Variants in TMCC2 observed in about 807,000 individuals in gnomAD.
TMCC2 encodes transmembrane and coiled-coil domains protein 2.
TMCC2 carries 16 observed loss-of-function variants against 49.4 expected under a neutral mutation model. The observed-to-expected ratio is 0.32, with a 90% CI of 0.22 to 0.49. TMCC2 has a LOEUF of 0.49. TMCC2 is among the 20% of genes least tolerant of loss of function. TMCC2 has a pLI of 0.99. For synonymous variants in TMCC2, 397 were observed against 434.1 expected (o/e 0.91, Z 1.06); for missense variants, 762 against 989.8 (o/e 0.77, Z 3.09).
intron 3 of TMCC2, among the ~76,000 whole-genome samples, chr1:205,270,274 C>T (rs1275418045): frequency 6.6e-6 from 1 of 152,210 alleles, no homozygotes; most frequent in East Asian, 1.9e-4. Context: ...TCTCGATCTC[C>T]TGACCTCAAT....
intron 1 of TMCC2, among the ~76,000 whole-genome samples, chr1:205,238,822 C>T (rs1369606735): frequency 1.3e-5 from 2 of 152,176 alleles, no homozygotes; most frequent in African/African-American, 4.8e-5. Context: ...GCTGTGCCTC[C>T]GTTTCTTCAT....
intron 2 of TMCC2, among the ~76,000 whole-genome samples, chr1:205,254,060 G>A (rs536578209): frequency 5.3e-5 from 8 of 152,224 alleles, no homozygotes; most frequent in South Asian, 2.1e-4. Context: ...AGGCCGCCTC[G>A]TCCAAGCTGC....
chr1:205,242,156 CCCA>C, intron 2 of TMCC2, 112 bp downstream of exon 2: 1 of 1,202,148 alleles, frequency 8.3e-7, no homozygotes, highest in Non-Finnish European at 1.1e-6. Context: ...ATACTGACAC[CCCA>C]CCGTCTGCAG....
In TMCC2 at chr1:205,246,410, G is replaced by A. The variant is rs532074598; in HGVS notation, c.747+4366G>A. Reference sequence around the variant, plus strand: ...ATGCCAAATAAGCAGTCAGCTGTACGAGTCTGGAGTTCTGGGGAGAGATCC... The same window carrying A: ...ATGCCAAATAAGCAGTCAGCTGTACAAGTCTGGAGTTCTGGGGAGAGATCC... On this transcript the variant is annotated intron_variant, in intron 2 of 4. Transcript: ENST00000358024. 11 of 1,091,620 alleles carry A rather than the reference G, an allele frequency of 1.0e-5. No individual in the cohort carries two copies. In the African/African-American group the frequency reaches 1.5e-4, roughly 15 times the overall value. 67.6% of individuals were successfully genotyped at this position (1,091,620 alleles called of 1,614,324 possible).
chr1:205,256,521 C>T (rs1660878230), intron 2 of TMCC2: 2 of 1,169,670 alleles, frequency 1.7e-6, no homozygotes, highest in Non-Finnish European at 2.5e-6. Flanking sequence ...GTGTCCAGGG[C>T]AGAGACTGGA....
Position 205,271,171 on chromosome 1 carries a change from C to T in TMCC2, c.1734C>T (p.Asn578=), listed in dbSNP as rs181217678. 276 of 1,613,924 alleles carry T rather than the reference C, an allele frequency of 1.7e-4. No homozygotes were observed. The highest frequency in any genetic ancestry group is 3.2e-4 in the African/African-American group (24 of 75,046). ...QLNDLTELHQ[N]EMTNLKQELA... ...ACGACCTGACTGAGCTTCATCAGAA[C>T]GAGATGACGAACCTGAAGCAGGAGC... The change falls in exon 4 of 5, where the codon AAC becomes AAT. Residue 578 remains asparagine (N), a synonymous_variant. Transcript: ENST00000358024.
At chr1:205,229,498 T>G in intron 1 of TMCC2, 5 of 419,844 alleles carry the variant, frequency 1.2e-5, no homozygotes, top group Non-Finnish European at 1.5e-5. Flanking sequence ...ATTGGGATCT[T>G]TGAGCGCTTT....
intron 2 of TMCC2, among the ~76,000 whole-genome samples, chr1:205,258,937 G>A (rs1197966356): frequency 6.6e-6 from 1 of 152,160 alleles, no homozygotes; most frequent in Non-Finnish European, 1.5e-5. Flanking sequence ...AGAGTCACGG[G>A]GCAGCAGTCA....
chr1:205,232,082 A>G (rs1372002644), intron 1 of TMCC2, among the ~76,000 whole-genome samples: 1 of 152,154 alleles, frequency 6.6e-6, no homozygotes, highest in Non-Finnish European at 1.5e-5. Flanking sequence ...ATGGGCTCCT[A>G]TGGTCTCCCT....
chr1:205,238,259 T>TA (rs981211522), intron 1 of TMCC2, among the ~76,000 whole-genome samples: 2 of 152,006 alleles, frequency 1.3e-5, no homozygotes, highest in African/African-American at 2.4e-5. Context: ...TTAAAACACT[T>TA]ACTGTGTTAT....
intron 3 of TMCC2, among the ~76,000 whole-genome samples, 157 bp from the exon 4 acceptor site, chr1:205,270,963 G>A (rs527839775): frequency 1.3e-5 from 2 of 152,206 alleles, no homozygotes; most frequent in Non-Finnish European, 2.9e-5. Flanking sequence ...GTAAATAGTA[G>A]CTTCTATTGT....
At chr1:205,232,559 C>G (rs1173506865) in intron 1 of TMCC2, among the ~76,000 whole-genome samples, 2 of 152,106 alleles carry the variant, frequency 1.3e-5, no homozygotes, top group Non-Finnish European at 2.9e-5. Context: ...AGCAAGAAAA[C>G]CCAGTTCCAT....
In TMCC2 at chr1:205,269,042, G is replaced by A. The variant is rs746392182; in HGVS notation, c.840G>A (p.Pro280=). 5.0e-6 allele frequency: 8 copies of A among 1,613,518 alleles called. No homozygotes were observed. Among genetic ancestry groups the A allele is most frequent in the Admixed American group, 1.7e-5 (1 of 60,018 alleles). ...GCCTGGACGTGCCCGATGGGGCACCGGACCCCCAGCGGACCAAGGCCGCCA... is the reference window on the plus strand; with the variant it reads ...GCCTGGACGTGCCCGATGGGGCACCAGACCCCCAGCGGACCAAGGCCGCCA... ...PISLDVPDGA[P]DPQRTKAAID... is the part of the protein sequence containing the mutation. The change falls in exon 3 of 5, where the codon CCG becomes CCA. Residue 280 remains proline (P), a synonymous_variant. Transcript: ENST00000358024.
intron 2 of TMCC2, among the ~76,000 whole-genome samples, chr1:205,250,312 G>T (rs183620212): frequency 2.0e-5 from 3 of 152,222 alleles, no homozygotes; most frequent in Admixed American, 6.5e-5. Flanking sequence ...AGGCCGAGGT[G>T]GGTGTATCAC....
At chr1:205,230,169 GGTGA>G in intron 1 of TMCC2, 2 of 985,568 alleles carry the variant, frequency 2.0e-6, no homozygotes, top group Non-Finnish European at 2.4e-6. Context: ...TCAGAGCGCA[GGTGA>G]GTGTGTGTGC....
At chr1:205,240,847 C>T (rs1297353342) in intron 1 of TMCC2, among the ~76,000 whole-genome samples, 1 of 152,176 alleles carries the variant, frequency 6.6e-6, no homozygotes, top group Non-Finnish European at 1.5e-5. Context: ...CCTTGCTTTT[C>T]GTTGGCCCAA....
At chr1:205,263,287 G>A (rs1661191206) in intron 2 of TMCC2, among the ~76,000 whole-genome samples, 1 of 152,142 alleles carries the variant, frequency 6.6e-6, no homozygotes, top group Non-Finnish European at 1.5e-5. Flanking sequence ...TAAATGCTAT[G>A]GCCAATATTT....
chr1:205,272,244 C>A lies in TMCC2; in HGVS notation c.*120C>A, dbSNP rs931442551. 6.2e-6 allele frequency: 9 copies of A among 1,462,470 alleles called. No homozygotes were observed. In the Admixed American group the frequency reaches 1.9e-4, roughly 30 times the overall value. The allele number at this position is 1,462,470 out of a possible 1,614,324, so 90.6% of individuals were successfully genotyped here. On this transcript the variant is annotated 3_prime_UTR_variant, in exon 5 of 5. Transcript: ENST00000358024. ...CTCCTGCCCAAACTGTCCATTCCAG[C>A]AGCTCCTGCCCCCTTCTCTGTACTT... is the stretch of plus-strand genomic sequence containing the variant.
intron 2 of TMCC2, chr1:205,257,295 G>T (rs1460882470): frequency 2.4e-6 from 3 of 1,232,164 alleles, no homozygotes; most frequent in African/African-American, 1.6e-5. Context: ...GACACAGTCC[G>T]CAGACAGCTG....
Sources: allele counts gnomAD v4.1 joint callset (sites outside exome capture counted in the v4.1 genomes callset), GRCh38; gene constraint gnomAD v4.1.1; transcripts MANE v1.5; gene names NCBI Gene and HGNC (gene_info 2026-07-23, HGNC 2026-07-21).